COA8: variants seen among roughly 807,000 people sequenced by gnomAD.
COA8 encodes the protein cytochrome c oxidase assembly factor 8.
Under a neutral mutation model 22.0 loss-of-function variants are expected in COA8, and 20 were observed. The observed-to-expected ratio is 0.91, with a 90% CI of 0.64 to 1.32. The LOEUF is 1.32. Among genes scored for constraint, COA8 ranks in the 40% most tolerant of loss-of-function variants. The pLI, the probability that COA8 is intolerant of heterozygous loss-of-function variation, is 0.00. For missense variants in COA8, 266 were observed against 230.0 expected (o/e 1.16, Z -1.01); for synonymous variants, 105 against 79.9 (o/e 1.31, Z -1.68).
chr14:103,563,486 G>T, intron 1 of COA8: 1 of 393,388 alleles, frequency 2.5e-6, no homozygotes, highest in South Asian at 2.2e-5. Flanking sequence ...GTGTGTTTTG[G>T]CTTTGTTACA....
intron 1 of COA8, among the ~76,000 whole-genome samples, chr14:103,566,162 A>G (rs1306809337): frequency 6.6e-6 from 1 of 152,004 alleles, no homozygotes; most frequent in East Asian, 1.9e-4. Context: ...ATGGTGGCTC[A>G]CACCTTGCCA....
At chr14:103,583,591 A>G (rs2076284372) in intron 3 of COA8, among the ~76,000 whole-genome samples, 1 of 151,826 alleles carries the variant, frequency 6.6e-6, no homozygotes, top group Admixed American at 6.6e-5. Flanking sequence ...CCTGAGACCA[A>G]ATACCTGGTG....
At position 103,590,314 on chromosome 14, in the gene COA8, A is replaced by G. The variant is rs1471103070; in HGVS notation, c.*28A>G. ...GTCCACTCTGACCCAGCCAGAGTCCAGGTTTCCACAGGAAGCAGATGGAGC... is the reference window on the plus strand; with the variant it reads ...GTCCACTCTGACCCAGCCAGAGTCCGGGTTTCCACAGGAAGCAGATGGAGC... On this transcript the variant is annotated 3_prime_UTR_variant, in exon 5 of 5. Transcript: ENST00000409074. 1 of 1,580,362 alleles carries G rather than the reference A, an allele frequency of 6.3e-7. No individual in the cohort carries two copies. The highest frequency in any genetic ancestry group is 8.7e-7 in the Non-Finnish European group (1 of 1,153,704).
At chr14:103,564,111 C>G (rs533472389) in intron 1 of COA8, among the ~76,000 whole-genome samples, 1 of 151,988 alleles carries the variant, frequency 6.6e-6, no homozygotes, top group Non-Finnish European at 1.5e-5. Context: ...CGAGATCGCG[C>G]CACTGCACTC....
intron 3 of COA8, among the ~76,000 whole-genome samples, chr14:103,586,200 C>CTTT (rs71126040): frequency 1.1e-4 from 10 of 92,698 alleles, no homozygotes; most frequent in Admixed American, 4.1e-4. Flanking sequence ...TGCACCTGGC[C>CTTT]TTTTTTTTTT....
rs373279860 is a variant in COA8 at position 103,579,962 on chromosome 14, C to CAAA, written c.385+5809_385+5811dup. On this transcript the variant is annotated intron_variant, in intron 3 of 4. Transcript: ENST00000409074. Reference sequence around the variant, plus strand: ...TGGGCAACAAAGCAAGACTCTGTCTCAAAAAAAAAAAAAAAAAAAGTACAG... The same window carrying CAAA: ...TGGGCAACAAAGCAAGACTCTGTCTCAAAAAAAAAAAAAAAAAAAAAAGTACAG... Among the ~76,000 whole-genome samples the CAAA allele has an allele frequency of 1.4e-4, 17 of 117,538 alleles. 1 individual carries two copies. The highest frequency in any genetic ancestry group is 2.5e-4 in the East Asian group (1 of 4,000). The allele number at this position is 117,538 out of a possible 152,430, so 77.1% of individuals were successfully genotyped here. A position where few individuals can be genotyped will look rare whatever the true frequency, so the allele number is the denominator to read the frequency against.
chr14:103,588,056 C>T (rs183483772), intron 4 of COA8: 52 of 218,366 alleles, frequency 2.4e-4, no homozygotes, highest in Non-Finnish European at 3.8e-4. Flanking sequence ...GTGGAGGTTG[C>T]GGTGAGCTGA....
chr14:103,570,761 A>T (rs1307839138), intron 1 of COA8, among the ~76,000 whole-genome samples: 1 of 152,202 alleles, frequency 6.6e-6, no homozygotes. Context: ...AATTGATGTG[A>T]GGCCAGCCAT....
chr14:103,563,175 G>A (rs1174267989), intron 1 of COA8, 51 bp downstream of exon 1: 43 of 1,505,358 alleles, frequency 2.9e-5, no homozygotes, highest in Admixed American at 7.8e-5. Flanking sequence ...CGGAAGGGAA[G>A]ACAAACCCGG....
intron 2 of COA8, among the ~76,000 whole-genome samples, chr14:103,572,274 A>G (rs1400093645): frequency 6.6e-6 from 1 of 152,202 alleles, no homozygotes; most frequent in South Asian, 2.1e-4. Context: ...GTATGTACAT[A>G]TATGCATATA....
chr14:103,571,835 T>C lies in COA8; in HGVS notation c.321+15T>C, dbSNP rs1222492377. ...CTTTTAGTAAGGTAAGTTTAAGTTT[T>C]AGATCAGAACGGAAGGGTGCGGTGG... On this transcript the variant is annotated intron_variant, in intron 2 of 4. Transcript: ENST00000409074. 1.2e-6 allele frequency: 2 copies of C among 1,611,330 alleles called. No individual in the cohort carries two copies. Among genetic ancestry groups the C allele is most frequent in the African/African-American group, 2.7e-5 (2 of 74,800 alleles).
chr14:103,583,061 A>G (rs1418287543), intron 3 of COA8, among the ~76,000 whole-genome samples: 3 of 151,748 alleles, frequency 2.0e-5, no homozygotes, highest in Non-Finnish European at 4.4e-5. Context: ...ATTTATTTAT[A>G]TTGTCTCATG....
At chr14:103,589,266 C>T (rs1038812902) in intron 4 of COA8, among the ~76,000 whole-genome samples, 3 of 152,140 alleles carry the variant, frequency 2.0e-5, no homozygotes, top group African/African-American at 7.2e-5. Context: ...CATGGGCTAC[C>T]GGTTTTCTTC....
chr14:103,571,377 AAAAG>A lies in COA8; in HGVS notation c.124-241_124-238del, dbSNP rs560280292. Among the ~76,000 whole-genome samples the A allele has an allele frequency of 7.9e-5, 12 of 152,192 alleles. No homozygotes were observed. In the East Asian group the frequency reaches 2.1e-3, roughly 27 times the overall value. Reference sequence around the variant, plus strand: ...GAGTGAGACTCTGTCTCAAAAAAAAAAAAGAAAGCTTAGCAAAGGTGGTTGAGTT... The same window carrying A: ...GAGTGAGACTCTGTCTCAAAAAAAAAAAAGCTTAGCAAAGGTGGTTGAGTT... On this transcript the variant is annotated intron_variant, in intron 1 of 4. Coordinates refer to ENST00000409074, the MANE Select transcript of COA8 (RefSeq NM_001370595.2).
In COA8 at chr14:103,563,716, T is replaced by G. The variant is rs577708428; in HGVS notation, c.123+592T>G. On this transcript the variant is annotated intron_variant, in intron 1 of 4. Coordinates refer to ENST00000409074, the MANE Select transcript of COA8 (RefSeq NM_001370595.2). ...TGTTTAAGGGAGGCCTAGGCCTTGATTCCGTCTGTCAGATGAAAATGTTGA... is the reference window on the plus strand; with the variant it reads ...TGTTTAAGGGAGGCCTAGGCCTTGAGTCCGTCTGTCAGATGAAAATGTTGA... Among the ~76,000 whole-genome samples, 6 of 152,334 alleles carry G rather than the reference T, an allele frequency of 3.9e-5. No individual in the cohort carries two copies. In the South Asian group the frequency reaches 6.2e-4, roughly 16 times the overall value.
intron 1 of COA8, among the ~76,000 whole-genome samples, chr14:103,569,394 A>C (rs2076163557): frequency 6.6e-6 from 1 of 152,276 alleles, no homozygotes; most frequent in African/African-American, 2.4e-5. Context: ...CTTTATCCGT[A>C]AAGCAGTTTA....
At chr14:103,578,920 A>G (rs2076247876) in intron 3 of COA8, among the ~76,000 whole-genome samples, 1 of 152,198 alleles carries the variant, frequency 6.6e-6, no homozygotes, top group Non-Finnish European at 1.5e-5. Context: ...GTGTAGCTTC[A>G]TGAGGTGCGC....
At chr14:103,573,745 G>A (rs562552815) in intron 2 of COA8, among the ~76,000 whole-genome samples, 1 of 152,060 alleles carries the variant, frequency 6.6e-6, no homozygotes, top group South Asian at 2.1e-4. Context: ...TAGAGACGGG[G>A]TTTCTCCATG....
At position 103,571,445 on chromosome 14, in the gene COA8, C is replaced by T. The variant is rs933348798; in HGVS notation, c.124-178C>T. On this transcript the variant is annotated intron_variant, in intron 1 of 4. Coordinates refer to ENST00000409074, the MANE Select transcript of COA8 (RefSeq NM_001370595.2). Reference sequence around the variant, plus strand: ...GTTATTATTTAAACCAGAAACTAGGCCCTGTGTGGTGGCTCCTACTTGTAA... The same window carrying T: ...GTTATTATTTAAACCAGAAACTAGGTCCTGTGTGGTGGCTCCTACTTGTAA... Among the ~76,000 whole-genome samples the T allele has an allele frequency of 6.4e-4, 97 of 152,138 alleles. 1 individual carries two copies. Among genetic ancestry groups the T allele is most frequent in the Non-Finnish European group, 7.4e-5 (5 of 68,024 alleles).
Sources: allele counts gnomAD v4.1 joint callset (sites outside exome capture counted in the v4.1 genomes callset), GRCh38; gene constraint gnomAD v4.1.1; transcripts MANE v1.5; gene names NCBI Gene and HGNC (gene_info 2026-07-23, HGNC 2026-07-21).